Variants in ACYP2 observed in about 807,000 individuals in gnomAD.
The protein encoded by ACYP2 is acylphosphatase 2.
A neutral mutation model predicts 11.2 loss-of-function variants in ACYP2; 12 were observed. The ratio of observed to expected loss-of-function variants is 1.08; its 90% CI spans 0.69 to 1.74. The LOEUF (loss-of-function observed/expected upper bound fraction) is 1.74. Among genes scored for constraint, ACYP2 ranks in the 40% most tolerant of loss-of-function variants. The pLI, the probability that ACYP2 is intolerant of heterozygous loss-of-function variation, is 0.00. For synonymous variants in ACYP2, 43 were observed against 32.2 expected (o/e 1.33, Z -1.13); for missense variants, 134 against 101.9 (o/e 1.31, Z -1.35).
chr2:54,182,918 A>T (rs1385384327), intron 6 of ACYP2, among the ~76,000 whole-genome samples: 2 of 152,210 alleles, frequency 1.3e-5, no homozygotes, highest in Non-Finnish European at 2.9e-5. Flanking sequence ...GGAAAGGATA[A>T]AGGATATCTA....
chr2:54,241,779 A>G (rs1390733451), intron 6 of ACYP2, among the ~76,000 whole-genome samples: 2 of 152,336 alleles, frequency 1.3e-5, no homozygotes, highest in South Asian at 2.1e-4. Context: ...TTGGGAGGCC[A>G]AGGCAGGTGG....
chr2:53,975,418 C>A, intron 2 of ACYP2: 1 of 393,730 alleles, frequency 2.5e-6, no homozygotes, highest in South Asian at 1.4e-4. Context: ...ACCTTTCTTT[C>A]GGGGAGCTGG....
chr2:54,277,860 T>C (rs1017439637), intron 6 of ACYP2, among the ~76,000 whole-genome samples: 1 of 152,232 alleles, frequency 6.6e-6, no homozygotes, highest in Non-Finnish European at 1.5e-5. Flanking sequence ...ATGATATTTT[T>C]ATCTTCATTG....
intron 2 of ACYP2, among the ~76,000 whole-genome samples, chr2:54,010,998 C>A (rs1409413082): frequency 6.6e-6 from 1 of 151,862 alleles, no homozygotes; most frequent in African/African-American, 2.4e-5. Context: ...GCACATGCCT[C>A]CTTTATTCAC....
intron 4 of ACYP2, among the ~76,000 whole-genome samples, chr2:54,075,441 T>G (rs193222856): frequency 7.1e-4 from 105 of 148,418 alleles, no homozygotes; most frequent in Non-Finnish European, 1.2e-3. Context: ...GGAGTTGCAG[T>G]GAGCAGAGAT....
intron 6 of ACYP2, among the ~76,000 whole-genome samples, chr2:54,250,453 C>A (rs1687171108): frequency 6.8e-6 from 1 of 148,032 alleles, no homozygotes; most frequent in Non-Finnish European, 1.5e-5. Context: ...CAGCAGAACT[C>A]CGTCTCAGGG....
chr2:53,976,336 T>G (rs1671486969), intron 2 of ACYP2, among the ~76,000 whole-genome samples: 1 of 152,172 alleles, frequency 6.6e-6, no homozygotes, highest in South Asian at 2.1e-4. Context: ...GCCTCCCAAG[T>G]AGCTGGGACT....
chr2:54,007,565 C>A (rs1673144473), intron 2 of ACYP2, among the ~76,000 whole-genome samples: 1 of 150,470 alleles, frequency 6.6e-6, no homozygotes, highest in African/African-American at 2.4e-5. Flanking sequence ...CATGGTTTTT[C>A]ATTAGGTTTA....
intron 6 of ACYP2, among the ~76,000 whole-genome samples, chr2:54,281,477 G>T (rs2104117010): frequency 6.6e-6 from 1 of 152,328 alleles, no homozygotes; most frequent in South Asian, 2.1e-4. Context: ...AGGTAAAGAT[G>T]AGATGATGTT....
At chr2:53,972,305 C>T (rs987373398) in intron 1 of ACYP2, among the ~76,000 whole-genome samples, 4 of 135,928 alleles carry the variant, frequency 2.9e-5, no homozygotes, top group African/African-American at 1.1e-4. Flanking sequence ...AGCGAAACTC[C>T]GTCTCAAAAA....
intron 2 of ACYP2, among the ~76,000 whole-genome samples, chr2:54,032,070 G>A (rs981914226): frequency 1.2e-4 from 18 of 152,246 alleles, no homozygotes; most frequent in African/African-American, 2.9e-4. Flanking sequence ...CTCCCATTTT[G>A]TAGGTTGCCT....
At chr2:53,977,173 G>A (rs1041595041) in intron 2 of ACYP2, among the ~76,000 whole-genome samples, 2 of 151,942 alleles carry the variant, frequency 1.3e-5, no homozygotes, top group Admixed American at 6.6e-5. Context: ...TCAGTTTCCC[G>A]AGTAGCTGGG....
chr2:54,222,463 T>C (rs569897066), intron 6 of ACYP2, among the ~76,000 whole-genome samples: 1 of 151,632 alleles, frequency 6.6e-6, no homozygotes, highest in Admixed American at 6.6e-5. Flanking sequence ...GGCATGAGCA[T>C]TGCTTCAACC....
chr2:54,191,281 C>T (rs1332549130), intron 6 of ACYP2, among the ~76,000 whole-genome samples: 1 of 152,206 alleles, frequency 6.6e-6, no homozygotes, highest in Non-Finnish European at 1.5e-5. Context: ...GTACCATCCT[C>T]TCTCTCTGAT....
At chr2:54,188,815 C>T (rs192108860) in intron 6 of ACYP2, among the ~76,000 whole-genome samples, 126 of 152,304 alleles carry the variant, frequency 8.3e-4, no homozygotes, top group South Asian at 7.7e-3. Context: ...TGTGTGCTTG[C>T]CAGCAGCACT....
chr2:54,138,811 A>C, intron 6 of ACYP2, 63 bp downstream of exon 3: 1 of 1,379,408 alleles, frequency 7.2e-7, no homozygotes, highest in South Asian at 1.2e-5. Flanking sequence ...TTAGTTTTTT[A>C]AGACATGGTC....
intron 6 of ACYP2, among the ~76,000 whole-genome samples, chr2:54,206,873 CTT>C (rs959585050): frequency 6.6e-6 from 1 of 152,080 alleles, no homozygotes; most frequent in Non-Finnish European, 1.5e-5. Flanking sequence ...GATTTGAAAA[CTT>C]TGTAAATTTG....
chr2:54,202,010 C>CTTTTTT (rs1460714199), intron 6 of ACYP2, among the ~76,000 whole-genome samples: 1 of 140,218 alleles, frequency 7.1e-6, no homozygotes, highest in Non-Finnish European at 1.6e-5. Context: ...GCCTGGCCCA[C>CTTTTTT]TTATTTTTCT....
At chr2:54,015,248 C>T (rs1211387745) in intron 2 of ACYP2, among the ~76,000 whole-genome samples, 3 of 151,618 alleles carry the variant, frequency 2.0e-5, no homozygotes, top group African/African-American at 4.9e-5. Flanking sequence ...TGGTGGCTCA[C>T]GCCTGTAATC....
Sources: gnomAD v4.1 joint callset for allele counts (sites outside exome capture counted in the v4.1 genomes callset) on GRCh38, gnomAD v4.1.1 for gene constraint, MANE v1.5 for transcripts, NCBI Gene and HGNC (gene_info 2026-07-23, HGNC 2026-07-21) for gene names.